EIF4G1: variants seen among roughly 807,000 people sequenced by gnomAD.
The protein encoded by EIF4G1 is EIF4-gamma.
Under a neutral mutation model 187.8 loss-of-function variants are expected in EIF4G1, and 4 were observed. The ratio of observed to expected loss-of-function variants is 0.02; its 90% CI spans 0.01 to 0.05. The LOEUF (loss-of-function observed/expected upper bound fraction) is 0.05, where lower values mean the gene tolerates loss of function less well. EIF4G1 is among the 10% of genes least tolerant of loss of function. The pLI is 1.00. For synonymous variants in EIF4G1, 844 were observed against 781.4 expected (o/e 1.08, Z -1.34); for missense variants, 1,647 against 2,081.1 (o/e 0.79, Z 4.06).
intron 6 of EIF4G1, among the ~76,000 whole-genome samples, chr3:184,318,450 C>T (rs980176815): frequency 1.3e-5 from 2 of 152,084 alleles, no homozygotes; most frequent in African/African-American, 4.8e-5. Context: ...GACCCTGTCT[C>T]TATTTTAAAA....
At chr3:184,316,340 C>T in intron 4 of EIF4G1, 122 bp downstream of exon 4, 1 of 1,294,118 alleles carries the variant, frequency 7.7e-7, no homozygotes, top group Non-Finnish European at 1.1e-6. Context: ...TGTGTTCTTT[C>T]ATGCGGCTCT....
rs771230700 is a variant in EIF4G1, at chr3:184,322,455, G to A, written c.1608+5G>A. The A allele has an allele frequency of 1.2e-5, 19 of 1,614,174 alleles. No individual in the cohort carries two copies. The Admixed American group carries it at 3.2e-4, about 27-fold the overall frequency. ...CTTCTGGATGCCTTCAAGGAGGTAAGGGAGCAGAAAATGGGAGGGGAGAGG... is the reference window on the plus strand; with the variant it reads ...CTTCTGGATGCCTTCAAGGAGGTAAAGGAGCAGAAAATGGGAGGGGAGAGG... On this transcript the variant is annotated splice_donor_5th_base_variant and intron_variant, in intron 11 of 32. Transcript: ENST00000346169.
chr3:184,328,782 G>A (rs1725467070), intron 27 of EIF4G1, 26 bp downstream of exon 27: 4 of 1,614,160 alleles, frequency 2.5e-6, no homozygotes, highest in South Asian at 2.2e-5. Context: ...TGGAATTCAG[G>A]GGAGGTAAAG....
rs748122865 is a variant in EIF4G1 at position 184,321,908 on chromosome 3, C to T, written c.1324C>T (p.Pro442Ser). The change falls in exon 10 of 33, where the codon CCA (proline) becomes TCA (serine). Residue 442 changes from proline (P) to serine (S), a missense_variant. Pro to Ser is a moderately conservative substitution (Grantham distance 74). Around this residue, in one of 11 missense-constraint regions of EIF4G1, gnomAD observed 522 missense variants for 485.2 expected, o/e 1.08. Transcript: ENST00000346169. ...GCCCCCCACCATCCCCTCTGCTACTCCAGCTACGGCTCCTTCAGCTACTTC... is the reference window on the plus strand; with the variant it reads ...GCCCCCCACCATCCCCTCTGCTACTTCAGCTACGGCTCCTTCAGCTACTTC... ...MAPPTIPSAT[P>S]ATAPSATSPA... 1 of 1,614,166 alleles carries T rather than the reference C, an allele frequency of 6.2e-7. No individual in the cohort carries two copies. Among genetic ancestry groups the T allele is most frequent in the East Asian group, 2.2e-5 (1 of 44,888 alleles).
chr3:184,317,872 A>C, intron 6 of EIF4G1, 56 bp downstream of exon 6: 8 of 1,316,692 alleles, frequency 6.1e-6, no homozygotes, highest in Non-Finnish European at 8.8e-6. Context: ...ATCTAAACTC[A>C]TCTGCTGATT....
At position 184,323,921 on chromosome 3, in the gene EIF4G1, A is replaced by G. The variant is rs62287499; in HGVS notation, c.2416A>G (p.Ile806Val). The change falls in exon 16 of 33, where the codon ATT (isoleucine) becomes GTT (valine). Residue 806 changes from isoleucine (I) to valine (V), a missense_variant. Ile to Val is a conservative substitution (Grantham distance 29). Coordinates refer to ENST00000346169, the MANE Select transcript of EIF4G1 (RefSeq NM_198241.3). This position sits in a 1 kb window ranked among gnomAD's most constrained non-coding sequence, Gnocchi z 6.9. ...GVIDLIFEKA[I>V]SEPNFSVAYA... ...CATTGACCTCATTTTTGAGAAGGCCATTTCAGAGCCCAACTTCTCTGTGGC... is the reference window on the plus strand; with the variant it reads ...CATTGACCTCATTTTTGAGAAGGCCGTTTCAGAGCCCAACTTCTCTGTGGC... The G allele has an allele frequency of 7.2e-4, 1,169 of 1,614,146 alleles. 2 individuals carry two copies. Among genetic ancestry groups the G allele is most frequent in the South Asian group, 1.6e-3 (146 of 91,068 alleles).
At chr3:184,320,270 C>T (rs1723660701) in intron 7 of EIF4G1, 1 of 1,236,614 alleles carries the variant, frequency 8.1e-7, no homozygotes, top group Admixed American at 3.5e-5. Flanking sequence ...TGGGCCCTGC[C>T]CCCAGAGATC....
chr3:184,322,291 TC>T (rs1481578840), intron 10 of EIF4G1, 70 bp from the exon 11 acceptor site: 2 of 1,554,198 alleles, frequency 1.3e-6, no homozygotes, highest in Admixed American at 1.8e-5. Flanking sequence ...GCTTTCTATT[TC>T]CCAGGGATTA....
chr3:184,320,344 C>T (rs1434717891), intron 7 of EIF4G1: 9 of 1,341,576 alleles, frequency 6.7e-6, no homozygotes, highest in Non-Finnish European at 7.7e-6. Flanking sequence ...CCAGGGTGTG[C>T]AGCCACTGAC....
rs1223744494 is a variant in EIF4G1 at position 184,317,464 on chromosome 3, A to G, written c.291A>G (p.Pro97=). 2 of 1,613,784 alleles carry G rather than the reference A, an allele frequency of 1.2e-6. No homozygotes were observed. The highest frequency in any genetic ancestry group is 1.3e-5 in the African/African-American group (1 of 74,830). ...TGATCCCTTCCCAGATCTCCTACCC[A>G]GCCTCCCAGGGGGCCTACTACATCC... ...VMMIPSQISY[P]ASQGAYYIPG... Residue 97 remains proline (P), a synonymous_variant, in exon 5 of 33, where the codon CCA becomes CCG. Coordinates refer to ENST00000346169, the MANE Select transcript of EIF4G1 (RefSeq NM_198241.3).
chr3:184,319,831 C>A, intron 7 of EIF4G1, 30 bp downstream of exon 7: 1 of 1,456,090 alleles, frequency 6.9e-7, no homozygotes. Flanking sequence ...TCCGGGACAT[C>A]TGGGAAGGGG....
At position 184,315,579 on chromosome 3, in the gene EIF4G1, T is replaced by A. The variant is rs1722620301; in HGVS notation, c.-35+34T>A. 3 of 765,608 alleles carry A rather than the reference T, an allele frequency of 3.9e-6. No homozygotes were observed. In the African/African-American group the frequency reaches 5.1e-5, roughly 13 times the overall value. 47.4% of individuals were successfully genotyped at this position (765,608 alleles called of 1,614,324 possible). On this transcript the variant is annotated intron_variant, in intron 2 of 32. Coordinates refer to ENST00000346169, the MANE Select transcript of EIF4G1 (RefSeq NM_198241.3). ...GGGGTCTGTTTCAGTAGGTCAGGGG[T>A]TGGTTGGAAGTGATGCGGGTTTGAC...
intron 4 of EIF4G1, chr3:184,316,758 A>T (rs1485335215): frequency 6.3e-7 from 1 of 1,595,218 alleles, no homozygotes; most frequent in South Asian, 1.1e-5. Context: ...CCAACCCTGG[A>T]CAGTCTTCTG....
At chr3:184,324,839 G>GT in intron 17 of EIF4G1, 39 bp from the exon 18 acceptor site, 6 of 1,605,898 alleles carry the variant, frequency 3.7e-6, no homozygotes, top group Non-Finnish European at 5.1e-6. Flanking sequence ...CGAGTGGCTG[G>GT]TTATCTTTTT....
intron 26 of EIF4G1, 128 bp from the exon 27 acceptor site, chr3:184,328,503 A>G: frequency 1.5e-6 from 2 of 1,353,754 alleles, no homozygotes; most frequent in Admixed American, 3.4e-5. Context: ...TTAGCTTGAA[A>G]TAATTGTCCC....
At position 184,325,957 on chromosome 3, in the gene EIF4G1, GGT is replaced by G; in HGVS notation, c.3222+14_3222+15del. ...GACTCACCAAGATCACCAAGGTAGG[GGT>G]GTGTGTGGGAGTGGGTGATTCAGCT... is the stretch of plus-strand genomic sequence containing the variant. On this transcript the variant is annotated splice_region_variant and intron_variant, in intron 21 of 32. Coordinates refer to ENST00000346169, the MANE Select transcript of EIF4G1 (RefSeq NM_198241.3). The surrounding 1 kb of genome is among the most constrained non-coding windows in gnomAD (Gnocchi z 5.2). 1 of 1,613,944 alleles carries G rather than the reference GGT, an allele frequency of 6.2e-7. No individual in the cohort carries two copies. The highest frequency in any genetic ancestry group is 1.3e-5 in the African/African-American group (1 of 75,002).
rs143837775 is a variant in EIF4G1, at chr3:184,318,948, C to G, written c.425-741C>G. Among the ~76,000 whole-genome samples the G allele has an allele frequency of 2.2e-3, 337 of 152,048 alleles. 3 individuals carry two copies. Among genetic ancestry groups the G allele is most frequent in the African/African-American group, 7.9e-3 (327 of 41,490 alleles). On this transcript the variant is annotated intron_variant, in intron 6 of 32. Coordinates refer to ENST00000346169, the MANE Select transcript of EIF4G1 (RefSeq NM_198241.3). ...CAAAAATTAGGCCTGGTGATGCACT[C>G]TTGTAATCCCAGCTATTCGGGAGGC...
chr3:184,327,606 C>G lies in EIF4G1; in HGVS notation c.3682C>G (p.Pro1228Ala), dbSNP rs765024418. The G allele has an allele frequency of 6.2e-7, 1 of 1,614,156 alleles. No individual in the cohort carries two copies. The highest frequency in any genetic ancestry group is 1.7e-5 in the Admixed American group (1 of 60,028). ...CACAGTGAAGCGAGAAGCTGCCCTA[C>G]CCCCAGTGAGCCCCCTGAAGGCGGC... ...RDAVKREAAL[P>A]PVSPLKAALS... is the part of the protein sequence containing the mutation. The change falls in exon 25 of 33, where the codon CCC (proline) becomes GCC (alanine). Residue 1228 changes from proline (P) to alanine (A), a missense_variant. Physicochemically the swap from Pro to Ala is conservative, Grantham distance 27. Coordinates refer to ENST00000346169, the MANE Select transcript of EIF4G1 (RefSeq NM_198241.3).
At chr3:184,328,248 T>G (rs1168908195) in intron 26 of EIF4G1, 1 of 524,650 alleles carries the variant, frequency 1.9e-6, no homozygotes. Flanking sequence ...AATACAAAAA[T>G]TAGCCAGGCG....
Sources: gnomAD v4.1 joint callset for allele counts (sites outside exome capture counted in the v4.1 genomes callset) on GRCh38, gnomAD v4.1.1 for gene constraint, gnomAD v4.1.1 regional missense constraint, Gnocchi (gnomAD v3.1) non-coding constraint, MANE v1.5 for transcripts, NCBI Gene and HGNC (gene_info 2026-07-23, HGNC 2026-07-21) for gene names.